CCDC91: variants seen among roughly 807,000 people sequenced by gnomAD.
The protein encoded by CCDC91 is coiled-coil domain-containing protein 91.
Under a neutral mutation model 63.2 loss-of-function variants are expected in CCDC91, and 48 were observed. The observed-to-expected ratio is 0.76, with a 90% CI of 0.60 to 0.97. The LOEUF (loss-of-function observed/expected upper bound fraction) is 0.97. Ranked by LOEUF, CCDC91 falls within the 50% of genes least tolerant of loss-of-function variation. The probability of loss-of-function intolerance (pLI) is 0.00; values close to 1 mark genes in which losing one functional copy is unlikely to be tolerated. For missense variants in CCDC91, 500 were observed against 494.6 expected, an observed-to-expected ratio of 1.01 and a Z score of -0.10; for synonymous variants, 167 against 165.8, an observed-to-expected ratio of 1.01 and a Z score of -0.06.
intron 7 of CCDC91, among the ~76,000 whole-genome samples, chr12:28,368,042 C>T (rs990513377): frequency 6.6e-6 from 1 of 152,144 alleles, no homozygotes; most frequent in Non-Finnish European, 1.5e-5. Flanking sequence ...ATCACATGAG[C>T]CAATCCCTTA....
chr12:28,458,130 G>A (rs1431711758), intron 11 of CCDC91, among the ~76,000 whole-genome samples: 1 of 151,984 alleles, frequency 6.6e-6, no homozygotes, highest in Non-Finnish European at 1.5e-5. Flanking sequence ...TTCTATTTTA[G>A]CTTAGCAGGC....
chr12:28,194,218 A>T (rs1424671101), intron 1 of CCDC91, among the ~76,000 whole-genome samples: 1 of 152,106 alleles, frequency 6.6e-6, no homozygotes, highest in African/African-American at 2.4e-5. Context: ...TAATTTTTGC[A>T]TATAGTGTGA....
intron 12 of CCDC91, among the ~76,000 whole-genome samples, chr12:28,533,341 G>C (rs1203204906): frequency 6.6e-6 from 1 of 151,932 alleles, no homozygotes; most frequent in African/African-American, 2.4e-5. Flanking sequence ...TCTTAATTAT[G>C]TGCAAGTTTC....
chr12:28,354,052 A>T (rs1943361890), intron 6 of CCDC91, among the ~76,000 whole-genome samples: 2 of 152,206 alleles, frequency 1.3e-5, no homozygotes, highest in Non-Finnish European at 2.9e-5. Context: ...AAAAGCATTC[A>T]ATTTGTAAAA....
At chr12:28,247,085 G>T (rs1488402040) in intron 1 of CCDC91, among the ~76,000 whole-genome samples, 2 of 152,162 alleles carry the variant, frequency 1.3e-5, no homozygotes, top group Non-Finnish European at 2.9e-5. Context: ...AGCATCATAT[G>T]GTTCAAACAC....
At chr12:28,193,259 C>T (rs1941423423) in intron 1 of CCDC91, among the ~76,000 whole-genome samples, 1 of 152,138 alleles carries the variant, frequency 6.6e-6, no homozygotes, top group Non-Finnish European at 1.5e-5. Context: ...TTTGGTTACA[C>T]ATCTAGGAAT....
At chr12:28,274,854 C>T (rs995537192) in intron 3 of CCDC91, among the ~76,000 whole-genome samples, 1 of 152,002 alleles carries the variant, frequency 6.6e-6, no homozygotes, top group Non-Finnish European at 1.5e-5. Context: ...GCCTGATTGC[C>T]CTGGCCAGAA....
intron 11 of CCDC91, among the ~76,000 whole-genome samples, chr12:28,473,869 A>G: frequency 6.6e-6 from 1 of 152,106 alleles, no homozygotes; most frequent in East Asian, 1.9e-4. Context: ...GGCTGCTTTA[A>G]TTAAGCACAA....
At chr12:28,339,591 G>A (rs1274732952) in intron 6 of CCDC91, among the ~76,000 whole-genome samples, 1 of 151,976 alleles carries the variant, frequency 6.6e-6, no homozygotes, top group Non-Finnish European at 1.5e-5. Flanking sequence ...TTTACATTTT[G>A]TTAGGTATAA....
chr12:28,543,906 G>T (rs1403469697), intron 12 of CCDC91, among the ~76,000 whole-genome samples: 2 of 151,820 alleles, frequency 1.3e-5, no homozygotes, highest in African/African-American at 4.8e-5. Flanking sequence ...AGCAACTCAA[G>T]TTGGTCCTGT....
At chr12:28,341,358 C>T (rs555455245) in intron 6 of CCDC91, among the ~76,000 whole-genome samples, 41 of 152,258 alleles carry the variant, frequency 2.7e-4, no homozygotes, top group African/African-American at 8.7e-4. Context: ...TAGCCAAGGA[C>T]CATGCCCTTC....
chr12:28,231,321 A>G lies in CCDC91; in HGVS notation c.-14-25881A>G, dbSNP rs947077368. The stretch of plus-strand genomic sequence containing the variant: ...TTCCAAACTTCTGGGGCCAAATAAT[A>G]TAAAGTAATATTGTAGTTGCAGACA... On this transcript the variant is annotated intron_variant, in intron 1 of 12. Transcript: ENST00000536442. 9.9e-5 allele frequency among the ~76,000 whole-genome samples: 15 copies of G among 152,226 alleles called. 1 individual carries two copies. The highest frequency in any genetic ancestry group is 3.4e-4 in the African/African-American group (14 of 41,460).
At chr12:28,234,412 C>T (rs1466157191) in intron 1 of CCDC91, among the ~76,000 whole-genome samples, 1 of 152,058 alleles carries the variant, frequency 6.6e-6, no homozygotes, top group Non-Finnish European at 1.5e-5. Context: ...TTTTAAAAAG[C>T]AAGTGGTCCT....
At chr12:28,502,575 A>G (rs1433549895) in intron 12 of CCDC91, among the ~76,000 whole-genome samples, 1 of 150,420 alleles carries the variant, frequency 6.6e-6, no homozygotes, top group Non-Finnish European at 1.5e-5. Flanking sequence ...AGAATTGGAA[A>G]AAACTACTTT....
In CCDC91 at chr12:28,201,570, C is replaced by T. The variant is rs556423243; in HGVS notation, c.-15+10929C>T. Among the ~76,000 whole-genome samples, 289 of 145,378 alleles carry T rather than the reference C, an allele frequency of 2.0e-3. 3 individuals carry two copies. The highest frequency in any genetic ancestry group is 6.9e-3 in the African/African-American group (273 of 39,640). ...TGGGCAGCCAGGCAGAGGGGCTCCT[C>T]ACGTCCCAGGCGATGGGCGGCCAGG... On this transcript the variant is annotated intron_variant, in intron 1 of 12. Transcript: ENST00000536442.
chr12:28,526,042 A>G (rs1941228753), intron 12 of CCDC91, among the ~76,000 whole-genome samples: 1 of 152,020 alleles, frequency 6.6e-6, no homozygotes, highest in African/African-American at 2.4e-5. Context: ...ATTCTTATCT[A>G]TTCGGCAATT....
chr12:28,540,708 C>CTTATTA (rs893364624), intron 12 of CCDC91, among the ~76,000 whole-genome samples: 8 of 152,104 alleles, frequency 5.3e-5, no homozygotes, highest in African/African-American at 1.7e-4. Context: ...GTACTTTGTC[C>CTTATTA]TTATTAATCC....
intron 1 of CCDC91, among the ~76,000 whole-genome samples, chr12:28,206,830 C>T (rs1389940464): frequency 2.0e-5 from 3 of 152,188 alleles, no homozygotes; most frequent in East Asian, 1.9e-4. Context: ...ATGAGGGATA[C>T]ATTTCTAATC....
At chr12:28,426,055 T>C (rs891684540) in intron 8 of CCDC91, among the ~76,000 whole-genome samples, 1 of 152,210 alleles carries the variant, frequency 6.6e-6, no homozygotes, top group Non-Finnish European at 1.5e-5. Flanking sequence ...AGTATTTTAT[T>C]ACTATCTTTT....
Sources: allele counts gnomAD v4.1 joint callset (sites outside exome capture counted in the v4.1 genomes callset), GRCh38; gene constraint gnomAD v4.1.1; transcripts MANE v1.5; gene names NCBI Gene and HGNC (gene_info 2026-07-23, HGNC 2026-07-21).